The following GFRA2 variants were observed in gnomAD, a reference collection of about 807,000 sequenced individuals.
The protein encoded by GFRA2 is GDNF family receptor alpha-2.
A neutral mutation model predicts 48.3 loss-of-function variants in GFRA2; 17 were observed. The observed-to-expected ratio is 0.35, with a 90% confidence interval of 0.24 to 0.53. The LOEUF (loss-of-function observed/expected upper bound fraction) is 0.53, where lower values mean the gene tolerates loss of function less well. Among genes scored for constraint, GFRA2 ranks in the 20% least tolerant of loss-of-function variants. The probability of loss-of-function intolerance (pLI) is 0.93; values close to 1 mark genes in which losing one functional copy is unlikely to be tolerated. For synonymous variants in GFRA2, 305 were observed against 257.2 expected (o/e 1.19, Z -1.78); for missense variants, 660 against 637.3 (o/e 1.04, Z -0.38).
chr8:21,794,131 G>A (rs1807626402), intron 2 of GFRA2, among the ~76,000 whole-genome samples: 3 of 151,862 alleles, frequency 2.0e-5, no homozygotes, highest in African/African-American at 7.3e-5. Flanking sequence ...TGGGATTACA[G>A]GCCTGAGCCA....
intron 2 of GFRA2, among the ~76,000 whole-genome samples, chr8:21,780,171 C>T (rs1806909275): frequency 6.6e-6 from 1 of 151,874 alleles, no homozygotes; most frequent in African/African-American, 2.4e-5. Flanking sequence ...CCTAGCCAGG[C>T]TCCTCCCTAG....
intron 2 of GFRA2, among the ~76,000 whole-genome samples, chr8:21,803,674 C>T (rs1193085946): frequency 6.6e-6 from 1 of 152,174 alleles, no homozygotes; most frequent in Non-Finnish European, 1.5e-5. Flanking sequence ...ACTCTGTCAC[C>T]CAGGCTGGAG....
chr8:21,745,503 G>A lies in GFRA2; in HGVS notation c.794+5085C>T, dbSNP rs1196295286. On this transcript the variant is annotated intron_variant, in intron 4 of 8. Coordinates refer to ENST00000524240, the MANE Select transcript of GFRA2 (RefSeq NM_001495.5). ...ATTAAAGTACCAGCAAAGGCAGGTT[G>A]GGGGTTCTGCAATTCCTGCTGCAAA... Among the ~76,000 whole-genome samples, 3 of 152,346 alleles carry A rather than the reference G, an allele frequency of 2.0e-5. No individual in the cohort carries two copies. In the South Asian group the frequency reaches 6.2e-4, roughly 32 times the overall value.
At chr8:21,708,832 C>A (rs1802877222) in intron 4 of GFRA2, among the ~76,000 whole-genome samples, 1 of 152,172 alleles carries the variant, frequency 6.6e-6, no homozygotes. Flanking sequence ...ATGGCCCTGC[C>A]AACACCTTGA....
intron 3 of GFRA2, among the ~76,000 whole-genome samples, chr8:21,762,468 CT>C (rs1805961392): frequency 6.6e-6 from 1 of 152,168 alleles, no homozygotes; most frequent in Admixed American, 6.5e-5. Flanking sequence ...TCTTTCTGAA[CT>C]TTCCCCTCAT....
intron 4 of GFRA2, among the ~76,000 whole-genome samples, chr8:21,727,208 C>A (rs1049126224): frequency 2.6e-5 from 4 of 152,220 alleles, no homozygotes; most frequent in Non-Finnish European, 5.9e-5. Flanking sequence ...CAGATGCAGG[C>A]TGAACCCTCT....
chr8:21,700,466 C>T (rs1031814409), intron 7 of GFRA2, among the ~76,000 whole-genome samples: 1 of 152,128 alleles, frequency 6.6e-6, no homozygotes, highest in Middle Eastern at 3.2e-3. Context: ...CACAGCCCCA[C>T]TGAACAGCCC....
At chr8:21,730,046 A>AG (rs370434173) in intron 4 of GFRA2, among the ~76,000 whole-genome samples, 18 of 151,836 alleles carry the variant, frequency 1.2e-4, no homozygotes, top group East Asian at 1.2e-3. Context: ...TCTTGGTGGG[A>AG]GGGGGGGCCT....
At chr8:21,694,595 G>T (rs1201635919) in intron 7 of GFRA2, 78 bp from the exon 8 acceptor site, 4 of 1,327,374 alleles carry the variant, frequency 3.0e-6, no homozygotes, top group Admixed American at 3.9e-5. Context: ...CTTAGATGAG[G>T]CCCCGCCATG....
At chr8:21,771,998 A>T (rs1333521403) in intron 3 of GFRA2, among the ~76,000 whole-genome samples, 1 of 152,188 alleles carries the variant, frequency 6.6e-6, no homozygotes, top group Non-Finnish European at 1.5e-5. Flanking sequence ...CGTGCGACAC[A>T]CAGGTGGGGG....
intron 4 of GFRA2, chr8:21,706,382 C>A (rs535210946): frequency 4.2e-6 from 2 of 481,502 alleles, no homozygotes; most frequent in South Asian, 3.1e-5. Flanking sequence ...TGCCTGGACC[C>A]CAGGCAGGAA....
Position 21,750,484 on chromosome 8 carries a change from A to C in GFRA2, c.794+104T>G, listed in dbSNP as rs1805233760. 1 of 647,848 alleles carries C rather than the reference A, an allele frequency of 1.5e-6. No homozygotes were observed. Among genetic ancestry groups the C allele is most frequent in the Admixed American group, 2.8e-5 (1 of 35,756 alleles). The allele number at this position is 647,848 out of a possible 1,614,324, so 40.1% of individuals were successfully genotyped here. On this transcript the variant is annotated intron_variant, in intron 4 of 8. Coordinates refer to ENST00000524240, the MANE Select transcript of GFRA2 (RefSeq NM_001495.5). This position sits in a 1 kb window ranked among gnomAD's most constrained non-coding sequence, Gnocchi z 5.7. ...TTTTGACACCCTTTCTGCTGGACTC[A>C]GGGTCATAATTCGATGCACCCAAGG... is the stretch of plus-strand genomic sequence containing the variant.
intron 4 of GFRA2, among the ~76,000 whole-genome samples, chr8:21,719,350 G>A (rs1175298090): frequency 5.3e-5 from 8 of 151,940 alleles, no homozygotes; most frequent in Admixed American, 2.6e-4. Context: ...ACTCCTTCAC[G>A]TCCTCCAAAA....
chr8:21,784,190 T>A (rs1807154660), intron 1 of GFRA2: 1 of 427,922 alleles, frequency 2.3e-6, no homozygotes, highest in African/African-American at 2.0e-5. Context: ...CAGGCTCGCC[T>A]GATCCTTTCA....
chr8:21,751,258 G>A (rs1805280240), intron 3 of GFRA2, among the ~76,000 whole-genome samples: 1 of 152,230 alleles, frequency 6.6e-6, no homozygotes, highest in Non-Finnish European at 1.5e-5. Context: ...GCAACCAGGT[G>A]TGTATGGCCC....
chr8:21,754,095 A>AC (rs1805432455), intron 3 of GFRA2, among the ~76,000 whole-genome samples: 2 of 152,174 alleles, frequency 1.3e-5, no homozygotes, highest in African/African-American at 4.8e-5. Flanking sequence ...CACCCCATGC[A>AC]CATTCCATGT....
rs1210342311 is a variant in GFRA2 at position 21,750,154 on chromosome 8, AT to A, written c.794+433del. 6.6e-6 allele frequency among the ~76,000 whole-genome samples: 1 copy of A among 151,424 alleles called. No individual in the cohort carries two copies. The highest frequency in any genetic ancestry group is 1.9e-4 in the East Asian group (1 of 5,132). ...ACTGAGTTTTGCTATGTTGCCCAGG[AT>A]GGTCTCAAACTCCTGGCCTCAAGTG... On this transcript the variant is annotated intron_variant, in intron 4 of 8. Coordinates refer to ENST00000524240, the MANE Select transcript of GFRA2 (RefSeq NM_001495.5). The surrounding 1 kb of genome is among the most constrained non-coding windows in gnomAD (Gnocchi z 5.7).
At chr8:21,704,166 T>C (rs889101361) in intron 6 of GFRA2, among the ~76,000 whole-genome samples, 5 of 152,252 alleles carry the variant, frequency 3.3e-5, no homozygotes, top group Non-Finnish European at 7.3e-5. Context: ...GCCCAGGACC[T>C]CTGCCCAGGG....
chr8:21,700,521 GA>G (rs1411855129), intron 7 of GFRA2, among the ~76,000 whole-genome samples: 1 of 152,202 alleles, frequency 6.6e-6, no homozygotes, highest in Non-Finnish European at 1.5e-5. Flanking sequence ...AGATTTGGAG[GA>G]GGAGGAACCA....
Sources: gnomAD v4.1 joint callset for allele counts (sites outside exome capture counted in the v4.1 genomes callset) on GRCh38, gnomAD v4.1.1 for gene constraint, Gnocchi (gnomAD v3.1) non-coding constraint, MANE v1.5 for transcripts, NCBI Gene and HGNC (gene_info 2026-07-23, HGNC 2026-07-21) for gene names.